The following CHD4 variants were observed in gnomAD, a reference collection of about 807,000 sequenced individuals.
CHD4 encodes the protein ATP-dependent chromatin remodeler CHD4.
In CHD4, 35 loss-of-function variants were observed where a neutral mutation model predicts 235.5. That is an observed-to-expected ratio of 0.15 (90% CI 0.11 to 0.20). The LOEUF is 0.20. Among genes scored for constraint, CHD4 ranks in the 10% least tolerant of loss-of-function variants. The pLI is 1.00. For synonymous variants in CHD4, 900 were observed against 850.2 expected (o/e 1.06, Z -1.02); for missense variants, 1,329 against 2,432.3 (o/e 0.55, Z 9.54).
chr12:6,576,700 G>C (rs1482902658), intron 37 of CHD4, among the ~76,000 whole-genome samples: 1 of 152,018 alleles, frequency 6.6e-6, no homozygotes, highest in African/African-American at 2.4e-5. Context: ...CCGCCTCCCG[G>C]GTTCAAGCGA....
chr12:6,580,722 A>AAAAAAAAAAAAAAAAAC (rs1948169454), intron 33 of CHD4: 1 of 231,256 alleles, frequency 4.3e-6, no homozygotes, highest in African/African-American at 2.7e-5. Flanking sequence ...AAAAAAAAAA[A>AAAAAAAAAAAAAAAAAC]AAAAAGCCAG....
chr12:6,583,529 A>T (rs999014100), intron 25 of CHD4, 151 bp from the exon 26 acceptor site: 2 of 653,910 alleles, frequency 3.1e-6, no homozygotes, highest in African/African-American at 3.6e-5. Flanking sequence ...ACTTAGAAGA[A>T]ATTTGATTGA....
intron 22 of CHD4, 35 bp from the exon 23 acceptor site, chr12:6,588,457 C>A (rs747692303): frequency 1.2e-6 from 2 of 1,604,832 alleles, no homozygotes; most frequent in Middle Eastern, 1.7e-4. Context: ...TTAGAAGTGT[C>A]TCCTAAATTC....
At chr12:6,578,987 C>A in intron 33 of CHD4, 70 bp from the exon 34 acceptor site, 3 of 1,418,492 alleles carry the variant, frequency 2.1e-6, no homozygotes, top group South Asian at 1.2e-5. Context: ...CACTATTATC[C>A]AATTGGATAG....
chr12:6,606,291 A>G lies in CHD4; in HGVS notation c.83T>C (p.Leu28Pro). ...GATGTTACCTGGGTGGGGTGGGGGCAGGCTGTTGTTCAAAAGTGCATCCAT... is the reference window on the plus strand; with the variant it reads ...GATGTTACCTGGGTGGGGTGGGGGCGGGCTGTTGTTCAAAAGTGCATCCAT... Reference protein sequence around the residue: ...EDMDALLNNSLPPPHPENEED... With the variant: ...EDMDALLNNSPPPPHPENEED... Residue 28 changes from leucine (L) to proline (P), a missense_variant, in exon 2 of 40, where the codon CTG (leucine) becomes CCG (proline). Physicochemically the swap from Leu to Pro is moderately conservative, Grantham distance 98. Around this residue, in one of 26 missense-constraint regions of CHD4, gnomAD observed 213 missense variants for 177.5 expected, o/e 1.20. Coordinates refer to ENST00000544040, the MANE Select transcript of CHD4 (RefSeq NM_001273.5). 3 of 1,584,772 alleles carry G rather than the reference A, an allele frequency of 1.9e-6. No individual in the cohort carries two copies. The highest frequency in any genetic ancestry group is 1.1e-5 in the South Asian group (1 of 89,174).
At chr12:6,587,210 G>A in intron 25 of CHD4, 174 bp downstream of exon 25, 1 of 634,586 alleles carries the variant, frequency 1.6e-6, no homozygotes, top group Non-Finnish European at 2.7e-6. Context: ...CCAAGGCAAA[G>A]ATGAAAATCT....
Position 6,599,814 on chromosome 12 carries a change from G to C in CHD4, c.1441C>G (p.Pro481Ala). Reference protein sequence around the residue: ...YHIHCLNPPLPEIPNGEWLCP... With the variant: ...YHIHCLNPPLAEIPNGEWLCP... ...AGCCATTCACCGTTGGGGATCTCTG[G>C]AAGTGGGGGATTCAGGCAGTGGATG... Residue 481 changes from proline to alanine, a missense_variant, in exon 10 of 40, where the codon CCA becomes GCA. This residue lies in a region of CHD4 where 33 missense variants were observed against 84.2 expected (regional missense o/e 0.39). Transcript: ENST00000544040. The C allele has an allele frequency of 6.2e-7, 1 of 1,614,120 alleles. No individual in the cohort carries two copies. Among genetic ancestry groups the C allele is most frequent in the Non-Finnish European group, 8.5e-7 (1 of 1,180,034 alleles).
rs200609075 is a variant in CHD4, at chr12:6,581,020, CAAAA to C, written c.4909+20_4909+23del. ...CACTGTCTCAAAACAAACAAACAAA[CAAAA>C]AAAATGTGGATACCTTTACCTTTGG... On this transcript the variant is annotated intron_variant, in intron 33 of 39. Coordinates refer to ENST00000544040, the MANE Select transcript of CHD4 (RefSeq NM_001273.5). The C allele has an allele frequency of 2.3e-5, 37 of 1,604,786 alleles. No homozygotes were observed. Among genetic ancestry groups the C allele is most frequent in the Non-Finnish European group, 2.7e-5 (32 of 1,175,198 alleles).
intron 2 of CHD4, 23 bp downstream of exon 2, chr12:6,606,251 T>C: frequency 1.3e-6 from 2 of 1,488,554 alleles, no homozygotes; most frequent in Non-Finnish European, 1.9e-6. Flanking sequence ...CTTCCCGCCA[T>C]GGGCCCTTGG....
At chr12:6,594,258 C>T (rs565798602) in intron 15 of CHD4, among the ~76,000 whole-genome samples, 25 of 152,144 alleles carry the variant, frequency 1.6e-4, no homozygotes, top group African/African-American at 5.3e-4. Flanking sequence ...TCAAATCTTC[C>T]GCTGTGTACA....
At position 6,601,316 on chromosome 12, in the gene CHD4, G is replaced by A. The variant is rs1254024057; in HGVS notation, c.772C>T (p.Arg258Cys). The A allele has an allele frequency of 4.3e-6, 7 of 1,613,994 alleles. No individual in the cohort carries two copies. Among genetic ancestry groups the A allele is most frequent in the Non-Finnish European group, 5.1e-6 (6 of 1,180,032 alleles). ...PPPPPVEVPI[R>C]KAKTKEGKGP... The stretch of plus-strand genomic sequence containing the variant: ...TTGCCCTCCTTGGTCTTGGCCTTGC[G>A]GATAGGCACCTCCACAGGGGGAGGT... Residue 258 changes from arginine (R) to cysteine (C), a missense_variant, in exon 6 of 40, where the codon CGC (arginine) becomes TGC (cysteine). Physicochemically the swap from Arg to Cys is radical, Grantham distance 180 (BLOSUM62 -3). Transcript: ENST00000544040.
intron 2 of CHD4, 84 bp from the exon 3 acceptor site, chr12:6,602,581 A>G (rs1368254153): frequency 6.6e-7 from 1 of 1,517,894 alleles, no homozygotes; most frequent in African/African-American, 1.4e-5. Flanking sequence ...TTTAGACTTT[A>G]TTCCCCACCT....
At chr12:6,580,876 G>A (rs1007698607) in intron 33 of CHD4, 168 bp downstream of exon 33, 20 of 695,118 alleles carry the variant, frequency 2.9e-5, no homozygotes, top group African/African-American at 9.0e-5. Context: ...GCATGATGGC[G>A]TCTGTCTGTA....
At chr12:6,598,449 A>C in intron 10 of CHD4, 24 bp from the exon 11 acceptor site, 1 of 1,545,900 alleles carries the variant, frequency 6.5e-7, no homozygotes, top group Non-Finnish European at 8.8e-7. Flanking sequence ...AGACAACTTA[A>C]TCTCAAATCA....
intron 25 of CHD4, among the ~76,000 whole-genome samples, chr12:6,585,332 T>A (rs761649929): frequency 1.3e-5 from 2 of 151,994 alleles, no homozygotes; most frequent in African/African-American, 4.8e-5. Context: ...TCCCCCAGGC[T>A]GGAGTGCAGT....
chr12:6,587,169 G>A (rs955075828), intron 25 of CHD4: 1 of 562,882 alleles, frequency 1.8e-6, no homozygotes, highest in Non-Finnish European at 3.1e-6. Flanking sequence ...ACTGTTGTGA[G>A]CATGATATTT....
chr12:6,574,805 G>A (rs1308007028), intron 37 of CHD4, among the ~76,000 whole-genome samples: 1 of 152,166 alleles, frequency 6.6e-6, no homozygotes, highest in East Asian at 1.9e-4. Context: ...GGCTCAAAAT[G>A]TTATTTTCAG....
chr12:6,600,826 C>T (rs1214171605), intron 7 of CHD4, 100 bp downstream of exon 7: 5 of 1,512,710 alleles, frequency 3.3e-6, no homozygotes, highest in Non-Finnish European at 4.4e-6. Flanking sequence ...AAACGCCCCA[C>T]ATTCTTACGT....
intron 25 of CHD4, 60 bp from the exon 26 acceptor site, chr12:6,583,438 TG>T: frequency 6.9e-7 from 1 of 1,456,382 alleles, no homozygotes; most frequent in Non-Finnish European, 9.4e-7. Flanking sequence ...CAGCTACCCC[TG>T]GTCCTCACAG....
Sources: gnomAD v4.1 joint callset for allele counts (sites outside exome capture counted in the v4.1 genomes callset) on GRCh38, gnomAD v4.1.1 for gene constraint, gnomAD v4.1.1 regional missense constraint, MANE v1.5 for transcripts, NCBI Gene and HGNC (gene_info 2026-07-23, HGNC 2026-07-21) for gene names.